ZNF43: variants seen among roughly 807,000 people sequenced by gnomAD.
ZNF43 encodes zinc finger protein 39-like 1 (KOX 27).
ZNF43 carries 44 observed loss-of-function variants against 68.4 expected under a neutral mutation model. The ratio of observed to expected loss-of-function variants is 0.64; its 90% CI spans 0.51 to 0.83. ZNF43 has a LOEUF of 0.83. Among genes scored for constraint, ZNF43 ranks in the 40% least tolerant of loss-of-function variants. The pLI is 0.00. For missense variants in ZNF43, 896 were observed against 933.2 expected (o/e 0.96, Z 0.52); for synonymous variants, 308 against 307.8 (o/e 1.00, Z -0.01).
At chr19:21,820,712 GAC>G (rs972752103) in intron 1 of ZNF43, among the ~76,000 whole-genome samples, 2 of 151,960 alleles carry the variant, frequency 1.3e-5, no homozygotes, top group Non-Finnish European at 2.9e-5. Flanking sequence ...CACGCAAAAA[GAC>G]ACAGCATCAC....
At chr19:21,823,914 G>GT (rs953254051) in intron 1 of ZNF43, among the ~76,000 whole-genome samples, 23 of 152,246 alleles carry the variant, frequency 1.5e-4, no homozygotes, top group African/African-American at 4.8e-4. Flanking sequence ...GCCAGGCGCA[G>GT]TGGCTCACGA....
At position 21,808,265 on chromosome 19, in the gene ZNF43, T is replaced by C. The variant is rs2037064712; in HGVS notation, c.1772A>G (p.Glu591Gly). 6.2e-7 allele frequency: 1 copy of C among 1,613,596 alleles called. No individual in the cohort carries two copies. Among genetic ancestry groups the C allele is most frequent in the Non-Finnish European group, 8.5e-7 (1 of 1,179,862 alleles). Residue 591 changes from glutamate to glycine, a missense_variant, in exon 4 of 4, where the codon GAG becomes GGG. Physicochemically the swap from Glu to Gly is moderately conservative, Grantham distance 98 (BLOSUM62 -2). Transcript: ENST00000354959. ...LTTHKKIHTGEKFYKCEECGK... is the reference protein window; with the variant it reads ...LTTHKKIHTGGKFYKCEECGK... The stretch of plus-strand genomic sequence containing the variant: ...ACATTCTTCACATTTGTAGAATTTC[T>C]CTCCAGTATGAATTTTCTTATGTGT...
At chr19:21,846,240 G>A (rs758863612) in intron 1 of ZNF43, among the ~76,000 whole-genome samples, 1 of 152,130 alleles carries the variant, frequency 6.6e-6, no homozygotes, top group African/African-American at 2.4e-5. Flanking sequence ...CATGGGTGCT[G>A]GGCCAAGCGA....
intron 1 of ZNF43, among the ~76,000 whole-genome samples, chr19:21,849,488 CAA>C (rs35354919): frequency 2.0e-3 from 59 of 29,496 alleles, no homozygotes; most frequent in African/African-American, 5.2e-3. Flanking sequence ...AACCCTGCCT[CAA>C]AAAAAAAAAA....
At chr19:21,828,625 G>A (rs898477308) in intron 1 of ZNF43, among the ~76,000 whole-genome samples, 4 of 152,042 alleles carry the variant, frequency 2.6e-5, no homozygotes, top group African/African-American at 9.7e-5. Flanking sequence ...GCTGAGGCAG[G>A]AGAATCACTT....
In ZNF43 at chr19:21,836,104, CCA is replaced by C. The variant is rs1484095377; in HGVS notation, c.-68_-67del. 14 of 1,611,530 alleles carry C rather than the reference CCA, an allele frequency of 8.7e-6. No individual in the cohort carries two copies. Among genetic ancestry groups the C allele is most frequent in the Admixed American group, 5.0e-5 (3 of 59,874 alleles). On this transcript the variant is annotated 5_prime_UTR_variant, in exon 1 of 4. Transcript: ENST00000354959. Reference sequence around the variant, plus strand: ...CCCCCAATACCCGCAGGTCACAGAGCCACAGAGGCTGGACCTCTAGCAGCAGA... The same window carrying C: ...CCCCCAATACCCGCAGGTCACAGAGCCAGAGGCTGGACCTCTAGCAGCAGA...
intron 1 of ZNF43, among the ~76,000 whole-genome samples, chr19:21,829,028 GTC>G (rs1338454886): frequency 1.5e-5 from 1 of 67,862 alleles, no homozygotes; most frequent in East Asian, 4.5e-4. Context: ...GAGAGACTCT[GTC>G]TCAAAAAAAA....
In ZNF43 at chr19:21,805,752, T is replaced by C. The variant is rs2036910820; in HGVS notation, c.*1855A>G. 6.6e-6 allele frequency: 1 copy of C among 152,142 alleles called. No individual in the cohort carries two copies. The highest frequency in any genetic ancestry group is 6.5e-5 in the Admixed American group (1 of 15,272). 9.4% of individuals were successfully genotyped at this position (152,142 alleles called of 1,614,324 possible). A position where few individuals can be genotyped will look rare whatever the true frequency, so the allele number is the denominator to read the frequency against. On this transcript the variant is annotated 3_prime_UTR_variant, in exon 4 of 4. Transcript: ENST00000354959. ...AAGACAAAAAAGAATATTTAACCTA[T>C]AGAAAAATATTCTTTAACTTATTTG...
intron 3 of ZNF43, among the ~76,000 whole-genome samples, chr19:21,813,737 A>G (rs1446002456): frequency 6.6e-6 from 1 of 151,508 alleles, no homozygotes; most frequent in Non-Finnish European, 1.5e-5. Context: ...TTGAATAACA[A>G]TGTAAATATT....
chr19:21,807,810 A>T lies in ZNF43; in HGVS notation c.2227T>A (p.Phe743Ile). ...PYKCEECGKAFNYSSHLNTHK... is the reference protein window; with the variant it reads ...PYKCEECGKAINYSSHLNTHK... Reference sequence around the variant, plus strand: ...GTATTAAGGTGTGAGGAATAGTTAAATGCTTTGCCACATTCTTCACATTTG... The same window carrying T: ...GTATTAAGGTGTGAGGAATAGTTAATTGCTTTGCCACATTCTTCACATTTG... The change falls in exon 4 of 4, where the codon TTT becomes ATT. Residue 743 changes from phenylalanine to isoleucine, a missense_variant. Physicochemically the swap from Phe to Ile is conservative, Grantham distance 21. Coordinates refer to ENST00000354959, the MANE Select transcript of ZNF43 (RefSeq NM_003423.4). 6.2e-7 allele frequency: 1 copy of T among 1,613,452 alleles called. No homozygotes were observed. The highest frequency in any genetic ancestry group is 8.5e-7 in the Non-Finnish European group (1 of 1,179,686).
rs761166182 is a variant in ZNF43 at position 21,808,269 on chromosome 19, C to T, written c.1768G>A (p.Gly590Arg). The T allele has an allele frequency of 1.2e-6, 2 of 1,613,394 alleles. No individual in the cohort carries two copies. Among genetic ancestry groups the T allele is most frequent in the Non-Finnish European group, 1.7e-6 (2 of 1,179,830 alleles). Residue 590 changes from glycine to arginine, a missense_variant, in exon 4 of 4, where the codon GGA (glycine) becomes AGA (arginine). Coordinates refer to ENST00000354959, the MANE Select transcript of ZNF43 (RefSeq NM_003423.4). ...NLTTHKKIHT[G>R]EKFYKCEECG... ...TCTTCACATTTGTAGAATTTCTCTCCAGTATGAATTTTCTTATGTGTAGTA... is the reference window on the plus strand; with the variant it reads ...TCTTCACATTTGTAGAATTTCTCTCTAGTATGAATTTTCTTATGTGTAGTA...
In ZNF43 at chr19:21,805,980, A is replaced by T; in HGVS notation, c.*1627T>A. The stretch of plus-strand genomic sequence containing the variant: ...ATATTTACATGTAATCTAAAAATTT[A>T]AAAATGTACATTTAATTACATAAAA... On this transcript the variant is annotated 3_prime_UTR_variant, in exon 4 of 4. Coordinates refer to ENST00000354959, the MANE Select transcript of ZNF43 (RefSeq NM_003423.4). 1 of 152,160 alleles carries T rather than the reference A, an allele frequency of 6.6e-6. No individual in the cohort carries two copies. The highest frequency in any genetic ancestry group is 1.9e-4 in the East Asian group (1 of 5,194). 9.4% of individuals were successfully genotyped at this position (152,160 alleles called of 1,614,324 possible). A position where few individuals can be genotyped will look rare whatever the true frequency, so the allele number is the denominator to read the frequency against.
At chr19:21,843,577 G>A (rs1339928390) in intron 1 of ZNF43, among the ~76,000 whole-genome samples, 1 of 152,122 alleles carries the variant, frequency 6.6e-6, no homozygotes, top group Non-Finnish European at 1.5e-5. Flanking sequence ...ATCACCTGAG[G>A]TCAGGAGTAG....
chr19:21,808,833 C>T lies in ZNF43; in HGVS notation c.1204G>A (p.Glu402Lys). The change falls in exon 4 of 4, where the codon GAA (glutamate) becomes AAA (lysine). Residue 402 changes from glutamate to lysine, a missense_variant. By Grantham distance (56) the Glu-to-Lys change is moderately conservative (BLOSUM62 1). Coordinates refer to ENST00000354959, the MANE Select transcript of ZNF43 (RefSeq NM_003423.4). ...HTEKKPYKCE[E>K]CGKAFKWSSK... ...GACCACTTAAAAGCTTTGCCACATTCTTCACATTTGTAGGGTTTCTTTTCA... is the reference window on the plus strand; with the variant it reads ...GACCACTTAAAAGCTTTGCCACATTTTTCACATTTGTAGGGTTTCTTTTCA... 6.2e-7 allele frequency: 1 copy of T among 1,613,346 alleles called. No homozygotes were observed. The highest frequency in any genetic ancestry group is 2.2e-5 in the East Asian group (1 of 44,832).
At chr19:21,820,839 T>C (rs2037798067) in intron 1 of ZNF43, among the ~76,000 whole-genome samples, 1 of 149,440 alleles carries the variant, frequency 6.7e-6, no homozygotes, top group Non-Finnish European at 1.5e-5. Context: ...AATTTTTTTT[T>C]TTTTTTTTTT....
In ZNF43 at chr19:21,806,881, T is replaced by G. The variant is rs1450590524; in HGVS notation, c.*726A>C. ...CATAAACTTAATTTCGGATTAAATT[T>G]TTTTCATTTTTACTGCATCTGCAAA... On this transcript the variant is annotated 3_prime_UTR_variant, in exon 4 of 4. Transcript: ENST00000354959. 6.6e-6 allele frequency: 1 copy of G among 152,220 alleles called. No individual in the cohort carries two copies. The allele number at this position is 152,220 out of a possible 1,614,324, so 9.4% of individuals were successfully genotyped here.
intron 1 of ZNF43, among the ~76,000 whole-genome samples, chr19:21,847,839 A>C (rs947137360): frequency 1.1e-4 from 17 of 151,944 alleles, no homozygotes; most frequent in African/African-American, 4.1e-4. Context: ...TTTCTTTTTT[A>C]TTTTTATTTT....
At chr19:21,824,978 G>A (rs935007897) in intron 1 of ZNF43, among the ~76,000 whole-genome samples, 2 of 152,146 alleles carry the variant, frequency 1.3e-5, no homozygotes, top group African/African-American at 4.8e-5. Flanking sequence ...GCTCATGCCT[G>A]TAATCCTAGA....
intron 1 of ZNF43, among the ~76,000 whole-genome samples, chr19:21,822,568 G>A (rs907117976): frequency 2.0e-5 from 3 of 152,204 alleles, no homozygotes; most frequent in African/African-American, 7.2e-5. Flanking sequence ...CACTTTGGGA[G>A]GCCGAGGCGG....
Sources: gnomAD v4.1 joint callset for allele counts (sites outside exome capture counted in the v4.1 genomes callset) on GRCh38, gnomAD v4.1.1 for gene constraint, MANE v1.5 for transcripts, NCBI Gene and HGNC (gene_info 2026-07-23, HGNC 2026-07-21) for gene names.